Variants in ERCC6 observed in about 807,000 individuals in gnomAD.
ERCC6 encodes the protein ERCC excision repair 6, chromatin remodeling factor.
In ERCC6, 116 loss-of-function variants were observed where a neutral mutation model predicts 158.7. That is an observed-to-expected ratio of 0.73 (90% confidence interval 0.63 to 0.85). ERCC6 has a LOEUF of 0.85. Ranked by LOEUF, ERCC6 falls within the 40% of genes least tolerant of loss-of-function variation. The pLI is 0.00. For missense variants in ERCC6, 1,698 were observed against 1,799.4 expected, an observed-to-expected ratio of 0.94 and a Z score of 1.02; for synonymous variants, 678 against 659.3, an observed-to-expected ratio of 1.03 and a Z score of -0.43.
chr10:49,500,488 G>T, intron 7 of ERCC6, 50 bp downstream of exon 7: 1 of 1,584,064 alleles, frequency 6.3e-7, no homozygotes, highest in Non-Finnish European at 8.7e-7. Flanking sequence ...TACATCTGAT[G>T]AAATATTAAT....
At chr10:49,476,339 A>G (rs1248365389) in intron 11 of ERCC6, 29 bp from the exon 12 acceptor site, 24 of 1,466,028 alleles carry the variant, frequency 1.6e-5, no homozygotes, top group Non-Finnish European at 2.3e-5. Flanking sequence ...AGGAAACTAT[A>G]ATTTCAAAAA....
the ERCC6 span, among the ~76,000 whole-genome samples, chr10:49,441,451 G>A: frequency 1.3e-5 from 2 of 152,146 alleles, no homozygotes; most frequent in African/African-American, 4.8e-5. Flanking sequence ...TCTAAAATGC[G>A]ATTGTTGTGA....
Position 49,471,111 on chromosome 10 carries a change from G to C in ERCC6, c.2934C>G (p.Phe978Leu). The change falls in exon 17 of 21, where the codon TTC becomes TTG. Residue 978 changes from phenylalanine (F) to leucine (L), a missense_variant. By Grantham distance (22) the Phe-to-Leu change is conservative. Coordinates refer to ENST00000355832, the MANE Select transcript of ERCC6 (RefSeq NM_000124.4). ...IEEKIYHRQI[F>L]KQFLTNRVLK... Reference sequence around the variant, plus strand: ...GCACTCTATTTGTCAAAAACTGCTTGAAGATTTGTCTAAAAAAATAAAAGA... The same window carrying C: ...GCACTCTATTTGTCAAAAACTGCTTCAAGATTTGTCTAAAAAAATAAAAGA... 3.1e-6 allele frequency: 5 copies of C among 1,613,820 alleles called. No homozygotes were observed. Among genetic ancestry groups the C allele is most frequent in the Non-Finnish European group, 4.2e-6 (5 of 1,179,922 alleles).
chr10:49,448,537 A>AC, the ERCC6 span, among the ~76,000 whole-genome samples: 1 of 152,168 alleles, frequency 6.6e-6, no homozygotes, highest in South Asian at 2.1e-4. Context: ...TGCAACCATC[A>AC]CCACCTCAAT....
In ERCC6 at chr10:49,457,071, G is replaced by C. The variant is rs1346622286; in HGVS notation, c.*1744C>G. On this transcript the variant is annotated 3_prime_UTR_variant, in exon 21 of 21. Coordinates refer to ENST00000355832, the MANE Select transcript of ERCC6 (RefSeq NM_000124.4). ...ACCCAAATGCTTCATGAGTGAACAA[G>C]GTCAGCAGATCACCCTGAGAACAAG... 1 of 152,152 alleles carries C rather than the reference G, an allele frequency of 6.6e-6. No homozygotes were observed. The highest frequency in any genetic ancestry group is 1.5e-5 in the Non-Finnish European group (1 of 68,040). The allele number at this position is 152,152 out of a possible 1,614,324, so 9.4% of individuals were successfully genotyped here. A position where few individuals can be genotyped will look rare whatever the true frequency, so the allele number is the denominator to read the frequency against.
chr10:49,512,842 T>C (rs1210662331), intron 5 of ERCC6, among the ~76,000 whole-genome samples: 1 of 152,250 alleles, frequency 6.6e-6, no homozygotes, highest in African/African-American at 2.4e-5. Flanking sequence ...TGAGGTCAAA[T>C]ATGGAATTTT....
intron 7 of ERCC6, among the ~76,000 whole-genome samples, chr10:49,498,404 T>C (rs1851301559): frequency 6.6e-6 from 1 of 152,132 alleles, no homozygotes; most frequent in South Asian, 2.1e-4. Context: ...AAGACATAAG[T>C]ATAGAGAACT....
At chr10:49,535,914 G>A (rs1034850369) in intron 1 of ERCC6, among the ~76,000 whole-genome samples, 95 of 152,174 alleles carry the variant, frequency 6.2e-4, no homozygotes, top group Middle Eastern at 3.4e-3. Context: ...ACCTGAGTTC[G>A]TGACCAGCCT....
In ERCC6 at chr10:49,483,329, G is replaced by A. The variant is rs1851013622; in HGVS notation, c.1992+17C>T. 1 of 1,613,318 alleles carries A rather than the reference G, an allele frequency of 6.2e-7. No homozygotes were observed. Among genetic ancestry groups the A allele is most frequent in the Admixed American group, 1.7e-5 (1 of 60,004 alleles). On this transcript the variant is annotated intron_variant, in intron 9 of 20. Transcript: ENST00000355832. Reference sequence around the variant, plus strand: ...TCTTCTCCACTTGGAAATCTCCCTTGTTAAAAGAGGTCATACCTGTTTGCA... The same window carrying A: ...TCTTCTCCACTTGGAAATCTCCCTTATTAAAAGAGGTCATACCTGTTTGCA...
At chr10:49,515,879 T>G (rs1179433480) in intron 5 of ERCC6, 2 of 1,614,180 alleles carry the variant, frequency 1.2e-6, no homozygotes, top group Middle Eastern at 1.6e-4. Flanking sequence ...TATCATTCCA[T>G]CTGCAGACAA....
intron 10 of ERCC6, 49 bp from the exon 11 acceptor site, chr10:49,478,519 G>T: frequency 8.8e-7 from 1 of 1,138,322 alleles, no homozygotes; most frequent in Non-Finnish European, 1.3e-6. Context: ...TTTAAGGAAC[G>T]CATTTGTTCT....
At chr10:49,538,722 G>A (rs1837663291) in intron 1 of ERCC6, among the ~76,000 whole-genome samples, 1 of 152,220 alleles carries the variant, frequency 6.6e-6, no homozygotes, top group African/African-American at 2.4e-5. Context: ...AAGTAGCTGG[G>A]TCGCTGGCCG....
At position 49,532,557 on chromosome 10, in the gene ERCC6, G is replaced by C; in HGVS notation, c.408C>G (p.Val136=). The C allele has an allele frequency of 3.7e-6, 6 of 1,614,014 alleles. No individual in the cohort carries two copies. Among genetic ancestry groups the C allele is most frequent in the Non-Finnish European group, 5.1e-6 (6 of 1,180,046 alleles). The change falls in exon 2 of 21, where the codon GTC becomes GTG. Residue 136 remains valine, a synonymous_variant. Coordinates refer to ENST00000355832, the MANE Select transcript of ERCC6 (RefSeq NM_000124.4). The stretch of plus-strand genomic sequence containing the variant: ...GCTGCACTCACGTGAGGTCATCCAG[G>C]ACCGACCGATACTCCTTCTCCACGT... ...LVDVEKEYRS[V]LDDLTSCTTS...
intron 5 of ERCC6, chr10:49,515,422 C>T (rs1277201203): frequency 6.2e-6 from 10 of 1,614,004 alleles, no homozygotes; most frequent in East Asian, 2.2e-5. Context: ...TGACATTCAG[C>T]GCATCGCGTT....
intron 6 of ERCC6, chr10:49,504,845 C>G (rs1232281889): frequency 6.6e-6 from 1 of 152,086 alleles, no homozygotes; most frequent in African/African-American, 2.4e-5. Context: ...TAGAGTTTGG[C>G]TTTCTATAAT....
Position 49,532,861 on chromosome 10 carries a change from C to T in ERCC6, c.104G>A (p.Ser35Asn). Residue 35 changes from serine to asparagine, a missense_variant, in exon 2 of 21, where the codon AGT (serine) becomes AAT (asparagine). Coordinates refer to ENST00000355832, the MANE Select transcript of ERCC6 (RefSeq NM_000124.4). ...NNEEMAIKQE[S>N]GGDGEVEEYL... ...CTCCTCCACCTCCCCATCACCACCA[C>T]TTTCTTGCTTGATTGCCATTTCTTC... 1 of 1,614,252 alleles carries T rather than the reference C, an allele frequency of 6.2e-7. No individual in the cohort carries two copies. Among genetic ancestry groups the T allele is most frequent in the South Asian group, 1.1e-5 (1 of 91,086 alleles).
Position 49,458,669 on chromosome 10 carries a change from T to C in ERCC6, c.*146A>G. The stretch of plus-strand genomic sequence containing the variant: ...TTTCAGAGAAGAGTTTCTTCTTCCT[T>C]AAAGTTTTAATTCTGAGGTAGACAT... On this transcript the variant is annotated 3_prime_UTR_variant, in exon 21 of 21. Coordinates refer to ENST00000355832, the MANE Select transcript of ERCC6 (RefSeq NM_000124.4). The C allele has an allele frequency of 1.3e-6, 1 of 769,684 alleles. No homozygotes were observed. The highest frequency in any genetic ancestry group is 2.1e-6 in the Non-Finnish European group (1 of 470,754). The allele number at this position is 769,684 out of a possible 1,614,324, so 47.7% of individuals were successfully genotyped here. A position where few individuals can be genotyped will look rare whatever the true frequency, so the allele number is the denominator to read the frequency against.
rs974174860 is a variant in ERCC6, at chr10:49,455,285, A to G, written c.*3530T>C. ...AGACTTTAATAAAATGAGGCCTATC[A>G]TAACACTAATCAGAAACATTATATT... On this transcript the variant is annotated 3_prime_UTR_variant, in exon 21 of 21. Transcript: ENST00000355832. 3 of 152,220 alleles carry G rather than the reference A, an allele frequency of 2.0e-5. No homozygotes were observed. The highest frequency in any genetic ancestry group is 7.2e-5 in the African/African-American group (3 of 41,456). 9.4% of individuals were successfully genotyped at this position (152,220 alleles called of 1,614,324 possible). A position where few individuals can be genotyped will look rare whatever the true frequency, so the allele number is the denominator to read the frequency against.
downstream of ERCC6, among the ~76,000 whole-genome samples, chr10:49,449,272 A>G (rs974198973): frequency 1.3e-5 from 2 of 152,138 alleles, no homozygotes; most frequent in African/African-American, 4.8e-5. Context: ...ATTTTTATAT[A>G]TTTGGGAAAA....
Sources: gnomAD v4.1 joint callset for allele counts (sites outside exome capture counted in the v4.1 genomes callset) on GRCh38, gnomAD v4.1.1 for gene constraint, MANE v1.5 for transcripts, NCBI Gene and HGNC (gene_info 2026-07-23, HGNC 2026-07-21) for gene names.